WIF1: variants seen among roughly 807,000 people sequenced by gnomAD.
WIF1 encodes the protein Wnt inhibitory factor 1.
In WIF1, 35 loss-of-function variants were observed where a neutral mutation model predicts 53.5. That is an observed-to-expected ratio of 0.65 (90% CI 0.50 to 0.87). WIF1 has a LOEUF of 0.87. Ranked by LOEUF, WIF1 falls within the 40% of genes least tolerant of loss-of-function variation. The probability of loss-of-function intolerance (pLI) is 0.00; values close to 1 mark genes in which losing one functional copy is unlikely to be tolerated. For synonymous variants in WIF1, 171 were observed against 170.4 expected (o/e 1.00, Z -0.03); for missense variants, 467 against 476.8 (o/e 0.98, Z 0.19).
chr12:65,082,136 A>G (rs926167712), intron 2 of WIF1, among the ~76,000 whole-genome samples: 1 of 152,132 alleles, frequency 6.6e-6, no homozygotes, highest in Non-Finnish European at 1.5e-5. Context: ...ACTTCTAGAC[A>G]GGACTTTCTG....
chr12:65,116,556 C>T (rs1374798033), intron 2 of WIF1, among the ~76,000 whole-genome samples: 10 of 151,868 alleles, frequency 6.6e-5, no homozygotes, highest in Non-Finnish European at 1.3e-4. Context: ...TTACATATTA[C>T]AATGTAATAA....
intron 3 of WIF1, among the ~76,000 whole-genome samples, chr12:65,072,661 G>A (rs1437625846): frequency 1.3e-5 from 2 of 152,098 alleles, no homozygotes; most frequent in African/African-American, 4.8e-5. Context: ...ATAGACAGTA[G>A]GAGATGTAGA....
intron 2 of WIF1, among the ~76,000 whole-genome samples, chr12:65,119,091 A>G (rs1008356209): frequency 3.3e-5 from 5 of 152,262 alleles, no homozygotes; most frequent in Non-Finnish European, 5.9e-5. Flanking sequence ...GCGGTCAGCC[A>G]TAAGTAAACA....
chr12:65,081,213 T>C (rs992026486), intron 2 of WIF1, among the ~76,000 whole-genome samples: 1 of 152,206 alleles, frequency 6.6e-6, no homozygotes, highest in African/African-American at 2.4e-5. Context: ...AGATAAAATA[T>C]TCTTCTTGAA....
intron 2 of WIF1, among the ~76,000 whole-genome samples, chr12:65,114,875 C>G (rs1168016918): frequency 6.6e-6 from 1 of 152,006 alleles, no homozygotes; most frequent in African/African-American, 2.4e-5. Context: ...TGTGGAGATT[C>G]AGAAAAATGA....
chr12:65,098,183 G>A (rs938524090), intron 2 of WIF1, among the ~76,000 whole-genome samples: 2 of 152,138 alleles, frequency 1.3e-5, no homozygotes, highest in Non-Finnish European at 2.9e-5. Context: ...TCAAAGTCAT[G>A]TAAAAATAGC....
chr12:65,099,235 T>C lies in WIF1; in HGVS notation c.288+21182A>G, dbSNP rs180952266. On this transcript the variant is annotated intron_variant, in intron 2 of 9. Transcript: ENST00000286574. ...ACATATCTTTGCCTTTATCAATTCC[T>C]GATGTTTTCAAAATGTATAGAAATC... 8.5e-5 allele frequency among the ~76,000 whole-genome samples: 13 copies of C among 152,336 alleles called. No individual in the cohort carries two copies. The East Asian group carries it at 2.3e-3, about 27-fold the overall frequency.
chr12:65,056,091 A>C lies in WIF1; in HGVS notation c.862T>G (p.Cys288Gly). ...CPQPCRNGGK[C>G]IGKSKCKCSK... ...CACTTACATTTGCTTTTACCAATGC[A>C]TTTACCTCCATTTCGACAGGGTTGT... Residue 288 changes from cysteine to glycine, a missense_variant, in exon 8 of 10, where the codon TGC becomes GGC. Cys to Gly is a radical substitution (Grantham distance 159, BLOSUM62 -3). Transcript: ENST00000286574. The C allele has an allele frequency of 6.2e-7, 1 of 1,614,116 alleles. No homozygotes were observed. Among genetic ancestry groups the C allele is most frequent in the South Asian group, 1.1e-5 (1 of 91,076 alleles).
In WIF1 at chr12:65,062,558, C is replaced by T. The variant is rs764027117; in HGVS notation, c.749G>A (p.Cys250Tyr). The T allele has an allele frequency of 3.1e-6, 5 of 1,607,672 alleles. No individual in the cohort carries two copies. Among genetic ancestry groups the T allele is most frequent in the Non-Finnish European group, 4.3e-6 (5 of 1,176,418 alleles). ...GTAGAAACAGGTCCCTCCATTAAAGCAGGTGGTTGAGCAGTTTGCTGTTAG... is the reference window on the plus strand; with the variant it reads ...GTAGAAACAGGTCCCTCCATTAAAGTAGGTGGTTGAGCAGTTTGCTGTTAG... Reference protein sequence around the residue: ...NCDKANCSTTCFNGGTCFYPG... With the variant: ...NCDKANCSTTYFNGGTCFYPG... The change falls in exon 7 of 10, where the codon TGC becomes TAC. Residue 250 changes from cysteine to tyrosine, a missense_variant. Cys to Tyr is a radical substitution (Grantham distance 194, BLOSUM62 -2). Coordinates refer to ENST00000286574, the MANE Select transcript of WIF1 (RefSeq NM_007191.5).
At chr12:65,109,794 G>A (rs1171139471) in intron 2 of WIF1, among the ~76,000 whole-genome samples, 1 of 152,156 alleles carries the variant, frequency 6.6e-6, no homozygotes, top group African/African-American at 2.4e-5. Context: ...CTACAAATTG[G>A]GGAGAATAAG....
intron 3 of WIF1, among the ~76,000 whole-genome samples, chr12:65,072,722 A>G (rs531795843): frequency 3.3e-5 from 5 of 152,318 alleles, no homozygotes; most frequent in African/African-American, 9.6e-5. Flanking sequence ...ACCAAGAAAA[A>G]GAGACATCAA....
At chr12:65,066,811 C>T in intron 5 of WIF1, 75 bp from the exon 6 acceptor site, 1 of 1,015,484 alleles carries the variant, frequency 9.8e-7, no homozygotes, top group South Asian at 2.0e-5. Context: ...GTCAATAATA[C>T]AACAGGTCTA....
intron 2 of WIF1, among the ~76,000 whole-genome samples, chr12:65,115,444 T>C (rs923345153): frequency 9.9e-5 from 15 of 152,198 alleles, no homozygotes; most frequent in Non-Finnish European, 7.3e-5. Flanking sequence ...TCTCATTAAA[T>C]TTTTACTTGA....
chr12:65,112,217 G>C (rs1283231209), intron 2 of WIF1, among the ~76,000 whole-genome samples: 1 of 151,968 alleles, frequency 6.6e-6, no homozygotes, highest in African/African-American at 2.4e-5. Flanking sequence ...TACTTTTCCT[G>C]GTACTTAAAA....
intron 2 of WIF1, among the ~76,000 whole-genome samples, chr12:65,089,651 C>G (rs1883094067): frequency 1.3e-5 from 2 of 152,092 alleles, no homozygotes; most frequent in South Asian, 4.2e-4. Flanking sequence ...TAGCCACCAG[C>G]CTCTGTCATG....
At chr12:65,085,454 A>C (rs765905101) in intron 2 of WIF1, among the ~76,000 whole-genome samples, 23 of 152,192 alleles carry the variant, frequency 1.5e-4, no homozygotes, top group Non-Finnish European at 3.1e-4. Context: ...TAAAAGTTTC[A>C]GATTTTGGAG....
intron 2 of WIF1, among the ~76,000 whole-genome samples, chr12:65,105,767 C>T (rs1190937242): frequency 6.6e-6 from 1 of 152,162 alleles, no homozygotes; most frequent in Non-Finnish European, 1.5e-5. Flanking sequence ...ATGACCCAAA[C>T]ACCTCCCACT....
chr12:65,120,625 C>A, intron 1 of WIF1, 69 bp from the exon 2 acceptor site: 1 of 1,542,728 alleles, frequency 6.5e-7, no homozygotes, highest in Non-Finnish European at 8.7e-7. Context: ...AAGTTTCAAG[C>A]AAAAAGAAAA....
At chr12:65,110,673 C>T (rs547636211) in intron 2 of WIF1, among the ~76,000 whole-genome samples, 2 of 64,728 alleles carry the variant, frequency 3.1e-5, no homozygotes, top group East Asian at 3.8e-3. Flanking sequence ...TGAGACCTAC[C>T]TCACTTATTC....
Sources: allele counts gnomAD v4.1 joint callset (sites outside exome capture counted in the v4.1 genomes callset), GRCh38; gene constraint gnomAD v4.1.1; transcripts MANE v1.5; gene names NCBI Gene and HGNC (gene_info 2026-07-23, HGNC 2026-07-21).